Variants in NEK10 observed in about 807,000 individuals in gnomAD.
NEK10 encodes NIMA related kinase 10.
A neutral mutation model predicts 159.8 loss-of-function variants in NEK10; 122 were observed. The observed-to-expected ratio is 0.76, with a 90% CI of 0.66 to 0.89. NEK10 has a LOEUF of 0.89. Ranked by LOEUF, NEK10 falls within the 40% of genes least tolerant of loss-of-function variation. The pLI is 0.00. For synonymous variants in NEK10, 466 were observed against 457.1 expected, an observed-to-expected ratio of 1.02 and a Z score of -0.25; for missense variants, 1,342 against 1,323.1, an observed-to-expected ratio of 1.01 and a Z score of -0.22.
At chr3:27,162,208 G>T in intron 30 of NEK10, 1 of 517,370 alleles carries the variant, frequency 1.9e-6, no homozygotes, top group Non-Finnish European at 3.3e-6. Context: ...AGGTCAACTG[G>T]TTAACATTCC....
intron 5 of NEK10, among the ~76,000 whole-genome samples, chr3:27,331,288 C>G (rs2046403758): frequency 7.2e-6 from 1 of 139,828 alleles, no homozygotes; most frequent in Non-Finnish European, 1.5e-5. Context: ...ACTTTTGAGG[C>G]CTTAATGAAA....
chr3:27,138,343 C>T (rs573438768), intron 31 of NEK10, among the ~76,000 whole-genome samples: 1 of 152,182 alleles, frequency 6.6e-6, no homozygotes, highest in South Asian at 2.1e-4. Flanking sequence ...TTGCCCAGGT[C>T]CCCCAGAGGG....
chr3:27,111,136 C>T lies in NEK10; in HGVS notation c.*136G>A, dbSNP rs550200562. 2.9e-6 allele frequency: 2 copies of T among 700,694 alleles called. No homozygotes were observed. Among genetic ancestry groups the T allele is most frequent in the Non-Finnish European group, 4.7e-6 (2 of 422,154 alleles). 43.4% of individuals were successfully genotyped at this position (700,694 alleles called of 1,614,324 possible). A position where few individuals can be genotyped will look rare whatever the true frequency, so the allele number is the denominator to read the frequency against. On this transcript the variant is annotated 3_prime_UTR_variant, in exon 36 of 36. Transcript: ENST00000691995. ...CAGCACAGGACCCCCAGAAAGAAGT[C>T]CTGCAGGCCCCATGGCATCTTGGTC...
chr3:27,184,603 C>T (rs1478242905), intron 26 of NEK10, among the ~76,000 whole-genome samples: 1 of 152,148 alleles, frequency 6.6e-6, no homozygotes, highest in African/African-American at 2.4e-5. Flanking sequence ...AGAATTGTGT[C>T]TGTATTTGTG....
At chr3:27,150,969 G>A (rs1009915360) in intron 30 of NEK10, among the ~76,000 whole-genome samples, 5 of 152,146 alleles carry the variant, frequency 3.3e-5, no homozygotes, top group Non-Finnish European at 7.3e-5. Context: ...GCAGGACCTA[G>A]GAGACACCCC....
intron 23 of NEK10, among the ~76,000 whole-genome samples, chr3:27,221,646 C>A (rs1472710974): frequency 1.3e-5 from 2 of 152,238 alleles, no homozygotes; most frequent in African/African-American, 4.8e-5. Context: ...TAGACAGTTA[C>A]AAGGCTTTGC....
At chr3:27,130,082 G>T (rs978423918) in intron 32 of NEK10, among the ~76,000 whole-genome samples, 1 of 152,008 alleles carries the variant, frequency 6.6e-6, no homozygotes, top group Non-Finnish European at 1.5e-5. Context: ...TAGAGGAATG[G>T]AACCACACTT....
intron 24 of NEK10, among the ~76,000 whole-genome samples, chr3:27,201,967 T>C (rs1393500355): frequency 6.6e-6 from 1 of 151,020 alleles, no homozygotes; most frequent in Non-Finnish European, 1.5e-5. Flanking sequence ...AAGACCAGCC[T>C]GGCCAACATG....
chr3:27,107,460 T>G lies in NEK10; in HGVS notation c.*3812A>C, dbSNP rs557634809. ...ACAGCGTTCAAGTGTAAGCATATTGTTAGCAACACATTTCAACTGAAAAAA... is the reference window on the plus strand; with the variant it reads ...ACAGCGTTCAAGTGTAAGCATATTGGTAGCAACACATTTCAACTGAAAAAA... On this transcript the variant is annotated 3_prime_UTR_variant, in exon 36 of 36. Transcript: ENST00000691995. 6.6e-6 allele frequency among the ~76,000 whole-genome samples: 1 copy of G among 152,324 alleles called. No homozygotes were observed. Among genetic ancestry groups the G allele is most frequent in the African/African-American group, 2.4e-5 (1 of 41,580 alleles).
intron 22 of NEK10, among the ~76,000 whole-genome samples, chr3:27,264,574 C>G (rs1412681588): frequency 2.0e-5 from 3 of 152,042 alleles, no homozygotes; most frequent in Non-Finnish European, 4.4e-5. Context: ...ACATATAGCC[C>G]CTGAATCCAA....
intron 22 of NEK10, among the ~76,000 whole-genome samples, chr3:27,262,624 C>T (rs533273382): frequency 2.0e-4 from 30 of 152,290 alleles, no homozygotes; most frequent in African/African-American, 5.1e-4. Context: ...TTGATCGAAT[C>T]GGCTACTGAG....
chr3:27,151,095 G>A (rs751613610), intron 30 of NEK10, among the ~76,000 whole-genome samples: 22 of 152,148 alleles, frequency 1.4e-4, no homozygotes, highest in South Asian at 2.1e-4. Context: ...GACAAAGGAC[G>A]TATAATCTTG....
chr3:27,300,952 C>T (rs942013213), intron 13 of NEK10, among the ~76,000 whole-genome samples: 2 of 152,076 alleles, frequency 1.3e-5, no homozygotes, highest in South Asian at 2.1e-4. Context: ...GAAAGCCTGC[C>T]CTCTCCCACT....
At chr3:27,249,869 T>TAA (rs1157985112) in intron 23 of NEK10, among the ~76,000 whole-genome samples, 1 of 152,328 alleles carries the variant, frequency 6.6e-6, no homozygotes, top group East Asian at 1.9e-4. Flanking sequence ...TATTACTTTT[T>TAA]ACTTTTTGTG....
chr3:27,229,032 C>G (rs367875439), intron 23 of NEK10, among the ~76,000 whole-genome samples: 119 of 152,142 alleles, frequency 7.8e-4, no homozygotes, highest in Non-Finnish European at 1.5e-3. Context: ...GGATACCCCC[C>G]CTACTGGCCT....
At chr3:27,270,067 G>A (rs12497765) in intron 22 of NEK10, among the ~76,000 whole-genome samples, 35,279 of 152,088 alleles carry the variant, frequency 0.23, 4,467 homozygotes, top group Middle Eastern at 0.37. Flanking sequence ...CTTATGTGTG[G>A]ATGAGACTTG....
intron 26 of NEK10, among the ~76,000 whole-genome samples, chr3:27,187,486 C>T (rs552018382): frequency 6.6e-6 from 1 of 152,112 alleles, no homozygotes; most frequent in African/African-American, 2.4e-5. Flanking sequence ...AAATGAAATA[C>T]CATGGGACTA....
intron 32 of NEK10, among the ~76,000 whole-genome samples, chr3:27,121,816 A>C (rs937630898): frequency 6.6e-6 from 1 of 152,152 alleles, no homozygotes; most frequent in Non-Finnish European, 1.5e-5. Context: ...GTGGCCGTAC[A>C]AAGGGGTCTT....
At chr3:27,358,554 G>A (rs2149858978) in intron 1 of NEK10, among the ~76,000 whole-genome samples, 1 of 152,288 alleles carries the variant, frequency 6.6e-6, no homozygotes, top group South Asian at 2.1e-4. Flanking sequence ...GGTAATTGCT[G>A]AGTAAACACA....
Sources: gnomAD v4.1 joint callset for allele counts (sites outside exome capture counted in the v4.1 genomes callset) on GRCh38, gnomAD v4.1.1 for gene constraint, MANE v1.5 for transcripts, NCBI Gene and HGNC (gene_info 2026-07-23, HGNC 2026-07-21) for gene names.